The following PPFIBP1 variants were observed in gnomAD, a reference collection of about 807,000 sequenced individuals.
PPFIBP1 encodes PPFIB scaffold protein 1.
In PPFIBP1, 112 loss-of-function variants were observed where a neutral mutation model predicts 137.8. The observed-to-expected ratio is 0.81, with a 90% CI of 0.70 to 0.95. The LOEUF (loss-of-function observed/expected upper bound fraction) is 0.95. PPFIBP1 is among the 40% of genes least tolerant of loss of function. The pLI is 0.00. For synonymous variants in PPFIBP1, 378 were observed against 417.3 expected (o/e 0.91, Z 1.15); for missense variants, 1,083 against 1,196.6 (o/e 0.91, Z 1.40).
chr12:27,667,791 T>C (rs1054021895), intron 13 of PPFIBP1, among the ~76,000 whole-genome samples: 4 of 152,160 alleles, frequency 2.6e-5, no homozygotes, highest in Admixed American at 6.5e-5. Context: ...TGTCTGGTGG[T>C]TGAGGCTGGC....
Position 27,693,026 on chromosome 12 carries a change from G to C in PPFIBP1, c.*144G>C, listed in dbSNP as rs2061646195. On this transcript the variant is annotated 3_prime_UTR_variant, in exon 30 of 30. Transcript: ENST00000228425. ...TGTCGAGAAGTTTAAACAGAAAGCAGGAGTAATGTGCCGATTCTGAAGTTG... is the reference window on the plus strand; with the variant it reads ...TGTCGAGAAGTTTAAACAGAAAGCACGAGTAATGTGCCGATTCTGAAGTTG... The C allele has an allele frequency of 6.0e-6, 8 of 1,327,054 alleles. No individual in the cohort carries two copies. Among genetic ancestry groups the C allele is most frequent in the Non-Finnish European group, 7.9e-6 (8 of 1,010,370 alleles). The allele number at this position is 1,327,054 out of a possible 1,614,324, so 82.2% of individuals were successfully genotyped here. A position where few individuals can be genotyped will look rare whatever the true frequency, so the allele number is the denominator to read the frequency against.
chr12:27,631,636 T>C (rs577982573), intron 2 of PPFIBP1, among the ~76,000 whole-genome samples: 72 of 152,318 alleles, frequency 4.7e-4, no homozygotes, highest in African/African-American at 1.6e-3. Flanking sequence ...AACTAGTTCT[T>C]CACTACTTTG....
chr12:27,583,268 A>G (rs1436203429), intron 2 of PPFIBP1, among the ~76,000 whole-genome samples: 2 of 152,198 alleles, frequency 1.3e-5, no homozygotes, highest in Non-Finnish European at 2.9e-5. Context: ...AGTTAAGAAG[A>G]CACAGGATGG....
intron 4 of PPFIBP1, chr12:27,635,713 TAA>T (rs11306030): frequency 2.3e-4 from 34 of 150,862 alleles, no homozygotes; most frequent in Admixed American, 3.3e-4. Context: ...AGGTCTCATT[TAA>T]AAAAAAAAAA....
chr12:27,687,102 A>T (rs2061249815), intron 24 of PPFIBP1, among the ~76,000 whole-genome samples: 1 of 152,202 alleles, frequency 6.6e-6, no homozygotes, highest in Non-Finnish European at 1.5e-5. Flanking sequence ...TGACCCAGCA[A>T]GTGCTTTTCT....
intron 2 of PPFIBP1, among the ~76,000 whole-genome samples, chr12:27,591,317 T>G (rs1000711298): frequency 6.6e-6 from 1 of 151,980 alleles, no homozygotes; most frequent in African/African-American, 2.4e-5. Flanking sequence ...AACCTGTGAT[T>G]GAATGAGGAG....
chr12:27,589,734 C>T (rs1475225258), intron 2 of PPFIBP1, among the ~76,000 whole-genome samples: 6 of 152,152 alleles, frequency 3.9e-5, no homozygotes, highest in Admixed American at 2.0e-4. Context: ...TGGTTGAGTT[C>T]GTCCTAGAGC....
At chr12:27,644,135 G>T (rs1324363918) in intron 4 of PPFIBP1, among the ~76,000 whole-genome samples, 1 of 151,938 alleles carries the variant, frequency 6.6e-6, no homozygotes, top group African/African-American at 2.4e-5. Context: ...GGAGTGCAGT[G>T]GCGCAAACAT....
At chr12:27,645,236 G>T (rs2058388290) in intron 4 of PPFIBP1, among the ~76,000 whole-genome samples, 1 of 152,322 alleles carries the variant, frequency 6.6e-6, no homozygotes, top group Middle Eastern at 3.4e-3. Flanking sequence ...TTATGGTTAT[G>T]TTGAGATTAT....
intron 4 of PPFIBP1, 111 bp from the exon 5 acceptor site, chr12:27,645,950 TG>T: frequency 1.4e-6 from 1 of 738,032 alleles, no homozygotes; most frequent in East Asian, 2.8e-5. Flanking sequence ...CAGTGACAGC[TG>T]TGCAGATTCA....
intron 12 of PPFIBP1, 134 bp from the exon 13 acceptor site, chr12:27,667,032 G>T: frequency 1.1e-6 from 1 of 901,534 alleles, no homozygotes; most frequent in Non-Finnish European, 1.6e-6. Context: ...AGGGCTGCCA[G>T]GAGAAGCTGA....
At position 27,597,117 on chromosome 12, in the gene PPFIBP1, A is replaced by G. The variant is rs560919452; in HGVS notation, c.-36+18878A>G. ...TACATATGGTATACAGGACTGGCTAACAATGGTGTCCATATTTGGGGCAGG... is the reference window on the plus strand; with the variant it reads ...TACATATGGTATACAGGACTGGCTAGCAATGGTGTCCATATTTGGGGCAGG... On this transcript the variant is annotated intron_variant, in intron 2 of 29. Coordinates refer to ENST00000228425, the MANE Select transcript of PPFIBP1 (RefSeq NM_003622.4). 2.0e-5 allele frequency among the ~76,000 whole-genome samples: 3 copies of G among 152,386 alleles called. 1 individual carries two copies. In the South Asian group the frequency reaches 6.2e-4, roughly 32 times the overall value.
chr12:27,667,378 T>G, intron 13 of PPFIBP1, 58 bp downstream of exon 13: 1 of 1,361,570 alleles, frequency 7.3e-7, no homozygotes, highest in Non-Finnish European at 9.7e-7. Context: ...ACTGAAAAGT[T>G]AAAACACTGC....
At chr12:27,686,970 G>A (rs2061243148) in intron 24 of PPFIBP1, among the ~76,000 whole-genome samples, 1 of 152,070 alleles carries the variant, frequency 6.6e-6, no homozygotes, top group African/African-American at 2.4e-5. Flanking sequence ...AACAGAGAGG[G>A]CAGTTTATCC....
intron 26 of PPFIBP1, among the ~76,000 whole-genome samples, 195 bp from the exon 27 acceptor site, chr12:27,688,820 A>T (rs1013185167): frequency 6.6e-6 from 1 of 152,190 alleles, no homozygotes; most frequent in Non-Finnish European, 1.5e-5. Context: ...CAGCTCTATC[A>T]CTCACTAACT....
chr12:27,591,944 C>T (rs551012395), intron 2 of PPFIBP1, among the ~76,000 whole-genome samples: 3 of 152,354 alleles, frequency 2.0e-5, no homozygotes. Context: ...CATCCTGCCA[C>T]CGCAGGAATG....
chr12:27,618,613 C>A (rs574237983), intron 2 of PPFIBP1, among the ~76,000 whole-genome samples: 3 of 152,212 alleles, frequency 2.0e-5, no homozygotes, highest in African/African-American at 4.8e-5. Flanking sequence ...CTCCCTCCCC[C>A]AAATTGTGCT....
At chr12:27,566,549 A>G (rs924654021) in intron 1 of PPFIBP1, among the ~76,000 whole-genome samples, 1 of 152,230 alleles carries the variant, frequency 6.6e-6, no homozygotes, top group Admixed American at 6.5e-5. Context: ...GTAGTCCCTC[A>G]AAGTTAAGCT....
intron 2 of PPFIBP1, among the ~76,000 whole-genome samples, chr12:27,627,460 G>GTCTCAGTGAAT (rs2138799213): frequency 6.6e-6 from 1 of 152,262 alleles, no homozygotes; most frequent in South Asian, 2.1e-4. Flanking sequence ...AAGTGTCTTA[G>GTCTCAGTGAAT]TCTCAGTGAA....
Sources: gnomAD v4.1 joint callset for allele counts (sites outside exome capture counted in the v4.1 genomes callset) on GRCh38, gnomAD v4.1.1 for gene constraint, MANE v1.5 for transcripts, NCBI Gene and HGNC (gene_info 2026-07-23, HGNC 2026-07-21) for gene names.